Variants in MRM2 observed in about 807,000 individuals in gnomAD.
The protein encoded by MRM2 is mitochondrial rRNA methyltransferase 2, also known as rRNA methyltransferase 2, mitochondrial.
In MRM2, 15 loss-of-function variants were observed where a neutral mutation model predicts 10.9. That is an observed-to-expected ratio of 1.37 (90% CI 0.92 to 2.11). The LOEUF is 2.11. Ranked by LOEUF, MRM2 falls within the 30% of genes most tolerant of loss-of-function variation. The probability of loss-of-function intolerance (pLI) is 0.00; values close to 1 mark genes in which losing one functional copy is unlikely to be tolerated. For missense variants in MRM2, 328 were observed against 321.3 expected (o/e 1.02, Z -0.16); for synonymous variants, 139 against 128.7 (o/e 1.08, Z -0.54).
In MRM2 at chr7:2,235,065, C is replaced by A. The variant is rs778456647; in HGVS notation, c.*57G>T. The A allele has an allele frequency of 1.5e-5, 20 of 1,354,968 alleles. No homozygotes were observed. Among genetic ancestry groups the A allele is most frequent in the African/African-American group, 2.9e-5 (2 of 69,690 alleles). 83.9% of individuals were successfully genotyped at this position (1,354,968 alleles called of 1,614,324 possible). A position where few individuals can be genotyped will look rare whatever the true frequency, so the allele number is the denominator to read the frequency against. The stretch of plus-strand genomic sequence containing the variant: ...CCCAGGAACTCTTCAGGAGCTCAGG[C>A]TACGTTTCTAGCTTAAAAGGAGCTA... On this transcript the variant is annotated 3_prime_UTR_variant, in exon 3 of 3. Coordinates refer to ENST00000242257, the MANE Select transcript of MRM2 (RefSeq NM_013393.3).
chr7:2,238,212 G>C (rs1794453014), intron 2 of MRM2: 1 of 152,214 alleles, frequency 6.6e-6, no homozygotes, highest in South Asian at 2.1e-4. Flanking sequence ...AGTGCATGCA[G>C]CTACCCTGGC....
At position 2,235,099 on chromosome 7, in the gene MRM2, T is replaced by C. The variant is rs201479804; in HGVS notation, c.*23A>G. On this transcript the variant is annotated 3_prime_UTR_variant, in exon 3 of 3. Transcript: ENST00000242257. ...TAGCTTAAAAGGAGCTAATGACCAT[T>C]ATGAAAATGGCACAAGAAATCCTCA... 10 of 1,582,054 alleles carry C rather than the reference T, an allele frequency of 6.3e-6. No homozygotes were observed. The East Asian group carries it at 2.2e-4, about 35-fold the overall frequency.
intron 1 of MRM2, among the ~76,000 whole-genome samples, chr7:2,240,742 G>A (rs539712643): frequency 3.3e-5 from 5 of 152,122 alleles, no homozygotes; most frequent in Admixed American, 6.5e-5. Context: ...TCACTCTGGC[G>A]CCCAGGCTGG....
At chr7:2,241,825 G>A (rs1339125824) in intron 1 of MRM2, 4 of 334,928 alleles carry the variant, frequency 1.2e-5, no homozygotes, top group Non-Finnish European at 2.2e-5. Flanking sequence ...CAGGAAGCGC[G>A]GGCAATGGAG....
At chr7:2,241,599 G>A (rs1244631211) in intron 1 of MRM2, among the ~76,000 whole-genome samples, 3 of 152,184 alleles carry the variant, frequency 2.0e-5, no homozygotes, top group Non-Finnish European at 2.9e-5. Flanking sequence ...ACCAAGCCCG[G>A]TCTCTATGTC....
At chr7:2,237,947 C>T (rs958797743) in intron 2 of MRM2, 2 of 152,036 alleles carry the variant, frequency 1.3e-5, no homozygotes, top group South Asian at 2.1e-4. Context: ...GGCATATCCC[C>T]GCCTAAGTAT....
chr7:2,239,004 T>A (rs1283763402), intron 2 of MRM2: 5 of 68,632 alleles, frequency 7.3e-5, no homozygotes, highest in African/African-American at 1.4e-4. Context: ...TATATATATA[T>A]ATATATATAT....
At chr7:2,239,282 G>T in intron 2 of MRM2, 136 bp downstream of exon 2, 1 of 892,970 alleles carries the variant, frequency 1.1e-6, no homozygotes, top group East Asian at 2.4e-5. Flanking sequence ...CATCACCATT[G>T]CTAAACCACC....
At chr7:2,239,870 C>A (rs1380503047) in intron 1 of MRM2, among the ~76,000 whole-genome samples, 163 bp from the exon 2 acceptor site, 2 of 152,196 alleles carry the variant, frequency 1.3e-5, no homozygotes, top group African/African-American at 4.8e-5. Flanking sequence ...GCAGGCATCA[C>A]AGGCCAAACT....
chr7:2,239,609 G>A lies in MRM2; in HGVS notation c.107C>T (p.Thr36Ile). 1 of 1,614,088 alleles carries A rather than the reference G, an allele frequency of 6.2e-7. No homozygotes were observed. The highest frequency in any genetic ancestry group is 8.5e-7 in the Non-Finnish European group (1 of 1,180,016). ...CACAAATGGGTCCCTGAGATGTCGG[G>A]TCAGCCACAGGTGCTCAGCGCCTGT... ...NRTGAEHLWL[T>I]RHLRDPFVKA... Residue 36 changes from threonine (T) to isoleucine (I), a missense_variant, in exon 2 of 3, where the codon ACC (threonine) becomes ATC (isoleucine). Coordinates refer to ENST00000242257, the MANE Select transcript of MRM2 (RefSeq NM_013393.3).
chr7:2,239,177 G>T lies in MRM2; in HGVS notation c.298+241C>A, dbSNP rs1400685554. On this transcript the variant is annotated intron_variant, in intron 2 of 2. Transcript: ENST00000242257. ...GATGCACACCACCATGCTGGTGCTG[G>T]TACCTGCGGGCGGTCTCATGCGAGG... 5.1e-6 allele frequency: 4 copies of T among 779,718 alleles called. No individual in the cohort carries two copies. The African/African-American group carries it at 6.8e-5, about 13-fold the overall frequency. 48.3% of individuals were successfully genotyped at this position (779,718 alleles called of 1,614,324 possible).
chr7:2,242,157 C>T lies in MRM2; in HGVS notation c.8+5G>A, dbSNP rs781275041. 2.5e-6 allele frequency: 4 copies of T among 1,583,204 alleles called. No homozygotes were observed. Among genetic ancestry groups the T allele is most frequent in the Non-Finnish European group, 3.4e-6 (4 of 1,168,936 alleles). Reference sequence around the variant, plus strand: ...CTGCACGCGCAGCAGCAGCGCCCAGCTCACCCCGCCATTGGTGTTCCCCGC... The same window carrying T: ...CTGCACGCGCAGCAGCAGCGCCCAGTTCACCCCGCCATTGGTGTTCCCCGC... On this transcript the variant is annotated splice_donor_5th_base_variant and intron_variant, in intron 1 of 2. Coordinates refer to ENST00000242257, the MANE Select transcript of MRM2 (RefSeq NM_013393.3).
chr7:2,239,788 T>G (rs1794489207), intron 1 of MRM2, 81 bp from the exon 2 acceptor site: 1 of 1,284,896 alleles, frequency 7.8e-7, no homozygotes, highest in Non-Finnish European at 1.1e-6. Flanking sequence ...TCGGATCAAC[T>G]CATTCATTTC....
rs146437509 is a variant in MRM2, at chr7:2,235,390, T to C, written c.473A>G (p.Asn158Ser). Residue 158 changes from asparagine to serine, a missense_variant, in exon 3 of 3, where the codon AAT becomes AGT. Physicochemically the swap from Asn to Ser is conservative, Grantham distance 46. Transcript: ENST00000242257. ...ATCGAGGTCCCGGAACCCTGTGGCA[T>C]TGGGCGCCATGTCGCTCAGAATCAC... ...ADVILSDMAP[N>S]ATGFRDLDHD... The C allele has an allele frequency of 1.5e-4, 240 of 1,614,052 alleles. 2 individuals are homozygous for C. The highest frequency in any genetic ancestry group is 1.9e-4 in the Non-Finnish European group (222 of 1,180,012).
At position 2,234,410 on chromosome 7, in the gene MRM2, C is replaced by G. The variant is rs1214366781; in HGVS notation, c.*712G>C. 1 of 152,230 alleles carries G rather than the reference C, an allele frequency of 6.6e-6. No homozygotes were observed. The highest frequency in any genetic ancestry group is 1.5e-5 in the Non-Finnish European group (1 of 68,082). The allele number at this position is 152,230 out of a possible 1,614,324, so 9.4% of individuals were successfully genotyped here. A position where few individuals can be genotyped will look rare whatever the true frequency, so the allele number is the denominator to read the frequency against. On this transcript the variant is annotated 3_prime_UTR_variant, in exon 3 of 3. Coordinates refer to ENST00000242257, the MANE Select transcript of MRM2 (RefSeq NM_013393.3). The stretch of plus-strand genomic sequence containing the variant: ...AGACCATACGTCTTCCCTAATTGTT[C>G]CGGGAACTTTTGCTGCTTGAAGAAT...
chr7:2,240,305 G>A (rs201350106), intron 1 of MRM2: 31 of 456,054 alleles, frequency 6.8e-5, no homozygotes, highest in Non-Finnish European at 1.0e-4. Context: ...GCTCTGACAG[G>A]CTGCAAGAAA....
intron 2 of MRM2, among the ~76,000 whole-genome samples, chr7:2,236,240 G>T (rs904838838): frequency 6.6e-6 from 1 of 152,028 alleles, no homozygotes; most frequent in Non-Finnish European, 1.5e-5. Flanking sequence ...AAAAGAAAAA[G>T]AAAAAGAAAA....
At position 2,242,189 on chromosome 7, in the gene MRM2, A is replaced by T. The variant is rs1229109514; in HGVS notation, c.-20T>A. 2 of 1,576,794 alleles carry T rather than the reference A, an allele frequency of 1.3e-6. No homozygotes were observed. The highest frequency in any genetic ancestry group is 1.4e-5 in the African/African-American group (1 of 72,772). On this transcript the variant is annotated 5_prime_UTR_variant, in exon 1 of 3. Transcript: ENST00000242257. Reference sequence around the variant, plus strand: ...CGCCATTGGTGTTCCCCGCGCCTGCAGCGCGCCGCCGGAAGTGCCTGGCCT... The same window carrying T: ...CGCCATTGGTGTTCCCCGCGCCTGCTGCGCGCCGCCGGAAGTGCCTGGCCT...
Position 2,235,509 on chromosome 7 carries a change from G to A in MRM2, c.354C>T (p.Pro118=), listed in dbSNP as rs754922560. 22 of 1,613,722 alleles carry A rather than the reference G, an allele frequency of 1.4e-5. No homozygotes were observed. Among genetic ancestry groups the A allele is most frequent in the Non-Finnish European group, 1.7e-5 (20 of 1,179,990 alleles). ...GGCACAGAAAAGTTGCTCCTTCCAG[G>A]GGGAATATGTGAAGAAGATCTACCC... The part of the protein sequence containing the change: ...VLGVDLLHIF[P]LEGATFLCPA... Residue 118 remains proline, a synonymous_variant, in exon 3 of 3, where the codon CCC becomes CCT. Transcript: ENST00000242257.
Sources: gnomAD v4.1 joint callset for allele counts (sites outside exome capture counted in the v4.1 genomes callset) on GRCh38, gnomAD v4.1.1 for gene constraint, MANE v1.5 for transcripts, NCBI Gene and HGNC (gene_info 2026-07-23, HGNC 2026-07-21) for gene names.